The following RGS3 variants were observed in gnomAD, a reference collection of about 807,000 sequenced individuals.
The protein encoded by RGS3 is regulator of G-protein signalling 3.
RGS3 carries 80 observed loss-of-function variants against 132.6 expected under a neutral mutation model. That is an observed-to-expected ratio of 0.60 (90% confidence interval 0.50 to 0.73). RGS3 has a LOEUF of 0.73. Ranked by LOEUF, RGS3 falls within the 30% of genes least tolerant of loss-of-function variation. The probability of loss-of-function intolerance (pLI) is 0.00; values close to 1 mark genes in which losing one functional copy is unlikely to be tolerated. For missense variants in RGS3, 1,382 were observed against 1,530.8 expected (o/e 0.90, Z 1.62); for synonymous variants, 598 against 620.6 (o/e 0.96, Z 0.54).
chr9:113,541,457 G>C (rs1365998789), intron 19 of RGS3: 1 of 1,608,608 alleles, frequency 6.2e-7, no homozygotes, highest in Admixed American at 1.7e-5. Flanking sequence ...TCTGCTTCTG[G>C]CAACTTAACC....
In RGS3 at chr9:113,497,130, G is replaced by C. The variant is rs192151949; in HGVS notation, c.751-184G>C. 2.7e-3 allele frequency among the ~76,000 whole-genome samples: 410 copies of C among 152,316 alleles called. 1 individual carries two copies. The highest frequency in any genetic ancestry group is 5.1e-3 in the Non-Finnish European group (348 of 68,030). On this transcript the variant is annotated intron_variant, in intron 8 of 24. Coordinates refer to ENST00000350696, the Ensembl canonical transcript of RGS3. Reference sequence around the variant, plus strand: ...TTTGGCAGAGGGGAGAGCCAGATCTGCCCTGAGCATCACGGAAGGCTTCCT... The same window carrying C: ...TTTGGCAGAGGGGAGAGCCAGATCTCCCCTGAGCATCACGGAAGGCTTCCT...
chr9:113,504,576 C>T (rs1010701716), intron 10 of RGS3, among the ~76,000 whole-genome samples: 1 of 152,202 alleles, frequency 6.6e-6, no homozygotes, highest in African/African-American at 2.4e-5. Context: ...CCCGCTGTGC[C>T]CTGCTTCACT....
chr9:113,531,566 G>C (rs577519853), intron 18 of RGS3, among the ~76,000 whole-genome samples: 4 of 152,224 alleles, frequency 2.6e-5, no homozygotes, highest in South Asian at 2.1e-4. Flanking sequence ...CAAGGGGAAG[G>C]GCTCTTCATA....
intron 21 of RGS3, chr9:113,593,736 G>T (rs576207210): frequency 4.7e-5 from 29 of 620,502 alleles, no homozygotes; most frequent in Non-Finnish European, 6.1e-5. Flanking sequence ...TTTCTTGCCA[G>T]CAGTTTCACC....
intron 19 of RGS3, among the ~76,000 whole-genome samples, chr9:113,555,167 A>G (rs1286750069): frequency 1.3e-5 from 2 of 152,158 alleles, no homozygotes; most frequent in African/African-American, 4.8e-5. Context: ...TTCCTACATC[A>G]GGTTAGACTT....
intron 14 of RGS3, among the ~76,000 whole-genome samples, chr9:113,513,359 T>A (rs1413428289): frequency 3.3e-5 from 5 of 152,172 alleles, no homozygotes; most frequent in African/African-American, 1.2e-4. Flanking sequence ...TCTCTGTTTC[T>A]CTCTCTCTCT....
chr9:113,559,230 A>G (rs1833692196), intron 19 of RGS3, among the ~76,000 whole-genome samples: 1 of 152,206 alleles, frequency 6.6e-6, no homozygotes, highest in Admixed American at 6.5e-5. Flanking sequence ...GGCTGACAGG[A>G]CACAGCCTGG....
intron 7 of RGS3, among the ~76,000 whole-genome samples, chr9:113,490,201 A>G (rs1318217791): frequency 6.6e-6 from 1 of 152,172 alleles, no homozygotes; most frequent in East Asian, 1.9e-4. Context: ...GGAGTTTTTT[A>G]TAGGCACTTT....
At chr9:113,451,020 A>T (rs1028303505) in intron 1 of RGS3, among the ~76,000 whole-genome samples, 1 of 152,024 alleles carries the variant, frequency 6.6e-6, no homozygotes, top group Non-Finnish European at 1.5e-5. Flanking sequence ...TCTACTAAAA[A>T]TACAAAAATT....
rs768377982 is a variant in RGS3, at chr9:113,484,162, A to G, written c.550A>G (p.Arg184Gly). ...GATTTCTTTGATCCCTGAAGATAGT[A>G]GACTACGCCACCAGAAGACGCAGAC... is the stretch of plus-strand genomic sequence containing the variant. The change falls in exon 6 of 25, where the codon AGA becomes GGA. Residue 184 changes from arginine (R) to glycine (G), a missense_variant. Transcript: ENST00000350696. The G allele has an allele frequency of 9.9e-6, 16 of 1,611,742 alleles. No homozygotes were observed. The South Asian group carries it at 1.8e-4, about 18-fold the overall frequency.
chr9:113,570,666 T>C (rs1013383735), intron 19 of RGS3, among the ~76,000 whole-genome samples: 3 of 152,082 alleles, frequency 2.0e-5, no homozygotes, highest in Non-Finnish European at 2.9e-5. Flanking sequence ...TCTTTTTTTT[T>C]TTGAGGCAGA....
In RGS3 at chr9:113,531,990, A is replaced by C. The variant is rs565494200; in HGVS notation, c.1914+2726A>C. 3.3e-5 allele frequency among the ~76,000 whole-genome samples: 5 copies of C among 152,346 alleles called. No individual in the cohort carries two copies. The South Asian group carries it at 1.0e-3, about 32-fold the overall frequency. ...GCAAGAGCGGGATTTTAAAGAGGCC[A>C]AGAGGAGCTGGGTGTCTGGTTGGAT... On this transcript the variant is annotated intron_variant, in intron 18 of 24. Coordinates refer to ENST00000350696, the Ensembl canonical transcript of RGS3.
intron 14 of RGS3, among the ~76,000 whole-genome samples, chr9:113,509,645 A>G (rs1831313258): frequency 6.6e-6 from 1 of 152,142 alleles, no homozygotes; most frequent in South Asian, 2.1e-4. Flanking sequence ...TCAGAAGTCC[A>G]TCTGGTGTCT....
chr9:113,492,498 C>T (rs1382631500), intron 7 of RGS3, among the ~76,000 whole-genome samples: 1 of 152,210 alleles, frequency 6.6e-6, no homozygotes, highest in Non-Finnish European at 1.5e-5. Context: ...GTTTCCTTAA[C>T]GCTGTGGCTC....
At chr9:113,587,105 TGA>T (rs1233581711) in intron 20 of RGS3, among the ~76,000 whole-genome samples, 1 of 152,118 alleles carries the variant, frequency 6.6e-6, no homozygotes, top group Admixed American at 6.5e-5. Flanking sequence ...CTGAGGCTAG[TGA>T]GAGATATTTT....
chr9:113,482,078 A>G (rs1830181125), intron 4 of RGS3, among the ~76,000 whole-genome samples: 1 of 151,884 alleles, frequency 6.6e-6, no homozygotes, highest in East Asian at 1.9e-4. Flanking sequence ...AACAAGAAAC[A>G]AACAAACAAA....
At chr9:113,594,235 T>A in intron 21 of RGS3, 195 bp from the exon 20 acceptor site, 1 of 1,612,718 alleles carries the variant, frequency 6.2e-7, no homozygotes, top group Non-Finnish European at 8.5e-7. Context: ...TGGTGCCTCC[T>A]ACAGACCAAT....
intron 4 of RGS3, 74 bp from the exon 3 acceptor site, chr9:113,482,985 G>A (rs1830212509): frequency 1.9e-6 from 3 of 1,610,136 alleles, no homozygotes; most frequent in South Asian, 1.1e-5. Context: ...ATATGTCTAT[G>A]TGTGTCTCTC....
chr9:113,522,688 G>C, intron 16 of RGS3: 1 of 518,386 alleles, frequency 1.9e-6, no homozygotes, highest in Non-Finnish European at 3.5e-6. Flanking sequence ...CCTTCTGTTT[G>C]CTTTTTTCCT....
Sources: gnomAD v4.1 joint callset for allele counts (sites outside exome capture counted in the v4.1 genomes callset) on GRCh38, gnomAD v4.1.1 for gene constraint, MANE v1.5 for transcripts, NCBI Gene and HGNC (gene_info 2026-07-23, HGNC 2026-07-21) for gene names.